The following SNED1 variants were observed in gnomAD, a reference collection of about 807,000 sequenced individuals.
SNED1 encodes the protein sushi, nidogen and EGF-like domain-containing protein 1.
Under a neutral mutation model 166.7 loss-of-function variants are expected in SNED1, and 81 were observed. The observed-to-expected ratio is 0.49, with a 90% CI of 0.41 to 0.58. SNED1 has a LOEUF of 0.58. Ranked by LOEUF, SNED1 falls within the 20% of genes least tolerant of loss-of-function variation. SNED1 has a pLI of 0.00. For missense variants in SNED1, 1,604 were observed against 2,000.2 expected (o/e 0.80, Z 3.78); for synonymous variants, 762 against 822.0 (o/e 0.93, Z 1.25).
chr2:240,997,737 G>A (rs964901234), upstream of SNED1, among the ~76,000 whole-genome samples: 14 of 152,242 alleles, frequency 9.2e-5, no homozygotes, highest in African/African-American at 2.9e-4. Context: ...AGTGTGGCAC[G>A]CAGCCAACAC....
At position 241,033,746 on chromosome 2, in the gene SNED1, C is replaced by A. The variant is rs1472507816; in HGVS notation, c.513C>A (p.Phe171Leu). The change falls in exon 3 of 32, where the codon TTC (phenylalanine) becomes TTA (leucine). Residue 171 changes from phenylalanine (F) to leucine (L), a missense_variant. Phe to Leu is a conservative substitution (Grantham distance 22). Around this residue, in one of 2 missense-constraint regions of SNED1, gnomAD observed 1,237 missense variants for 1,620.8 expected, o/e 0.76. Coordinates refer to ENST00000310397, the MANE Select transcript of SNED1 (RefSeq NM_001080437.3). The part of the protein sequence containing the change: ...GGSSSSPVNT[F>L]QTVLITDGKL... ...CCTCTCCCCGGCAGGTCAACACATT[C>A]CAGACTGTGCTCATCACAGACGGCA... 2 of 1,611,788 alleles carry A rather than the reference C, an allele frequency of 1.2e-6. No individual in the cohort carries two copies. The highest frequency in any genetic ancestry group is 2.7e-5 in the African/African-American group (2 of 75,042).
At chr2:241,065,276 T>A (rs1439430700) in intron 20 of SNED1, 23 bp from the exon 21 acceptor site, 1 of 1,611,434 alleles carries the variant, frequency 6.2e-7, no homozygotes, top group Admixed American at 1.7e-5. Context: ...TCCCCTCCCC[T>A]TGTTTTGACC....
Position 241,062,889 on chromosome 2 carries a change from G to A in SNED1, c.2356G>A (p.Ala786Thr), listed in dbSNP as rs74820922. 0.026 allele frequency: 40,886 copies of A among 1,601,724 alleles called. 2,268 individuals are homozygous for A. Among genetic ancestry groups the A allele is most frequent in the East Asian group, 0.2 (8,794 of 44,522 alleles). The change falls in exon 17 of 32, where the codon GCC (alanine) becomes ACC (threonine). Residue 786 changes from alanine (A) to threonine (T), a missense_variant. Ala to Thr is a moderately conservative substitution (Grantham distance 58, BLOSUM62 0). This residue lies in a region of SNED1 where 1,237 missense variants were observed against 1,620.8 expected (regional missense o/e 0.76). Coordinates refer to ENST00000310397, the MANE Select transcript of SNED1 (RefSeq NM_001080437.3). ...CCTCTGCAGCACAGGCTATGAGGGCGCCCACTGTGAGCTGGGTAAGAGGGG... is the reference window on the plus strand; with the variant it reads ...CCTCTGCAGCACAGGCTATGAGGGCACCCACTGTGAGCTGGGTAAGAGGGG... ...LCLCSTGYEGAHCELERDECR... is the reference protein window; with the variant it reads ...LCLCSTGYEGTHCELERDECR...
At chr2:241,049,745 G>A in intron 11 of SNED1, 72 bp from the exon 12 acceptor site, 1 of 1,165,718 alleles carries the variant, frequency 8.6e-7, no homozygotes, top group Non-Finnish European at 1.3e-6. Flanking sequence ...CAGGCAAGGT[G>A]CCCGCCAGCC....
Position 241,064,608 on chromosome 2 carries a change from C to T in SNED1, c.2600-236C>T, listed in dbSNP as rs936954861. ...CCTGTCCTGTCCTGATCCAGTGTCT[C>T]CTCCCCTCAGCCAGTCCGGCTGGTG... On this transcript the variant is annotated intron_variant, in intron 19 of 31. Transcript: ENST00000310397. This position sits in a 1 kb window ranked among gnomAD's most constrained non-coding sequence, Gnocchi z 7.0. 1.3e-5 allele frequency among the ~76,000 whole-genome samples: 2 copies of T among 152,212 alleles called. No homozygotes were observed. Among genetic ancestry groups the T allele is most frequent in the African/African-American group, 2.4e-5 (1 of 41,456 alleles).
At chr2:241,037,104 G>A (rs1055961971) in intron 5 of SNED1, 136 bp from the exon 6 acceptor site, 99 of 1,003,422 alleles carry the variant, frequency 9.9e-5, no homozygotes, top group Admixed American at 3.5e-4. Flanking sequence ...GAGCACCATG[G>A]GCGGGTGCAG....
intron 1 of SNED1, among the ~76,000 whole-genome samples, chr2:241,027,095 T>G (rs2124956572): frequency 6.6e-6 from 1 of 152,196 alleles, no homozygotes; most frequent in South Asian, 2.1e-4. Context: ...TTTTTTTTTT[T>G]TTAAAGACAG....
intron 12 of SNED1, 64 bp downstream of exon 12, chr2:241,049,997 C>T (rs774774444): frequency 2.5e-6 from 3 of 1,176,920 alleles, no homozygotes; most frequent in Non-Finnish European, 3.8e-6. Flanking sequence ...GGTCCGCCGT[C>T]CTGCTTCTCT....
intron 21 of SNED1, 104 bp from the exon 22 acceptor site, chr2:241,067,660 C>G: frequency 1.1e-6 from 1 of 909,752 alleles, no homozygotes; most frequent in Non-Finnish European, 1.7e-6. Context: ...CAGTGCCTCT[C>G]TGTGGCCCCC....
At chr2:241,034,512 A>G (rs1574941273) in intron 3 of SNED1, 56 bp from the exon 4 acceptor site, 2 of 1,487,172 alleles carry the variant, frequency 1.3e-6, no homozygotes, top group Admixed American at 3.8e-5. Flanking sequence ...GGTAACCCCC[A>G]CCTCTGTAGA....
Position 241,064,916 on chromosome 2 carries a change from G to A in SNED1, c.2672G>A (p.Cys891Tyr). The A allele has an allele frequency of 6.3e-7, 1 of 1,586,802 alleles. No homozygotes were observed. The highest frequency in any genetic ancestry group is 1.2e-5 in the South Asian group (1 of 86,510). The stretch of plus-strand genomic sequence containing the variant: ...CTGGCCAGCAACGGCTCCCACAGCT[G>A]CACCTGCAAAGTGGGCTACACGGGC... ...YCLASNGSHSCTCKVGYTGED... is the reference protein window; with the variant it reads ...YCLASNGSHSYTCKVGYTGED... The change falls in exon 20 of 32, where the codon TGC becomes TAC. Residue 891 changes from cysteine to tyrosine, a missense_variant. Cys to Tyr is a radical substitution (Grantham distance 194). Transcript: ENST00000310397. This position sits in a 1 kb window ranked among gnomAD's most constrained non-coding sequence, Gnocchi z 7.0.
intron 6 of SNED1, 63 bp from the exon 7 acceptor site, chr2:241,040,012 T>A (rs1300479073): frequency 7.0e-5 from 92 of 1,313,066 alleles, no homozygotes; most frequent in Middle Eastern, 3.6e-4. Context: ...TCCCAGGGGT[T>A]TCTGTCCCCT....
chr2:241,004,018 G>A (rs774408788), intron 1 of SNED1, among the ~76,000 whole-genome samples: 10 of 152,270 alleles, frequency 6.6e-5, no homozygotes, highest in Non-Finnish European at 1.2e-4. Context: ...GCTGTCCTAT[G>A]TGAGGAAGGA....
chr2:241,090,430 A>G (rs1413785680), intron 31 of SNED1: 3 of 1,546,976 alleles, frequency 1.9e-6, no homozygotes, highest in Admixed American at 2.0e-5. Flanking sequence ...ACTTTTTTTC[A>G]TAAGTAGAAG....
In SNED1 at chr2:241,073,314, G is replaced by A. The variant is rs6721345; in HGVS notation, c.3866G>A (p.Arg1289Gln). 9,248 of 1,573,840 alleles carry A rather than the reference G, an allele frequency of 5.9e-3. 465 individuals are homozygous for A. The African/African-American group carries it at 0.11, about 19-fold the overall frequency. Residue 1289 changes from arginine (R) to glutamine (Q), a missense_variant, in exon 27 of 32, where the codon CGG becomes CAG. Coordinates refer to ENST00000310397, the MANE Select transcript of SNED1 (RefSeq NM_001080437.3). The surrounding 1 kb of genome is among the most constrained non-coding windows in gnomAD (Gnocchi z 6.6). ...GAGAACATGGAGGAAGCCCCCAAGCGGGTCAGCCTGGCCCTCCAGCTCCCT... is the reference window on the plus strand; with the variant it reads ...GAGAACATGGAGGAAGCCCCCAAGCAGGTCAGCCTGGCCCTCCAGCTCCCT... ...QLENMEEAPK[R>Q]VSLALQLPEH...
intron 16 of SNED1, among the ~76,000 whole-genome samples, chr2:241,058,352 G>A (rs1309183520): frequency 1.3e-5 from 2 of 151,950 alleles, no homozygotes; most frequent in Non-Finnish European, 2.9e-5. Context: ...TTTCAAACTT[G>A]ATTAATTAAA....
At chr2:241,089,055 C>A in intron 31 of SNED1, 1 of 399,640 alleles carries the variant, frequency 2.5e-6, no homozygotes, top group Non-Finnish European at 4.5e-6. Flanking sequence ...GGCAACCAAA[C>A]CCCATCCTGC....
Position 241,063,660 on chromosome 2 carries a change from C to T in SNED1, c.2445C>T (p.Cys815=), listed in dbSNP as rs2062316568. The change falls in exon 18 of 32, where the codon TGC becomes TGT. Residue 815 remains cysteine, a synonymous_variant. Transcript: ENST00000310397. The part of the protein sequence containing the change: ...SCRNLPGAYV[C]RCPAGFVGVH... ...GGAACCTCCCAGGGGCCTATGTCTG[C>T]CGGTGCCCTGCAGGCTTCGTTGGAG... The T allele has an allele frequency of 2.5e-6, 4 of 1,612,128 alleles. No individual in the cohort carries two copies. The highest frequency in any genetic ancestry group is 3.4e-6 in the Non-Finnish European group (4 of 1,179,230).
rs1302910875 is a variant in SNED1 at position 241,064,587 on chromosome 2, T to A, written c.2600-257T>A. 6.6e-6 allele frequency among the ~76,000 whole-genome samples: 1 copy of A among 152,174 alleles called. No homozygotes were observed. The highest frequency in any genetic ancestry group is 1.5e-5 in the Non-Finnish European group (1 of 68,024). On this transcript the variant is annotated intron_variant, in intron 19 of 31. Transcript: ENST00000310397. This position sits in a 1 kb window ranked among gnomAD's most constrained non-coding sequence, Gnocchi z 7.0. ...GGACTGTCACTGGGGTGGTGGCCTG[T>A]CCTGTCCTGATCCAGTGTCTCCTCC...
Sources: allele counts gnomAD v4.1 joint callset (sites outside exome capture counted in the v4.1 genomes callset), GRCh38; gene constraint gnomAD v4.1.1; regional missense constraint gnomAD v4.1.1; non-coding constraint Gnocchi (gnomAD v3.1); transcripts MANE v1.5; gene names NCBI Gene and HGNC (gene_info 2026-07-23, HGNC 2026-07-21).